CHD6: variants seen among roughly 807,000 people sequenced by gnomAD.
CHD6 encodes the protein ATP-dependent chromatin remodeler CHD6.
CHD6 carries 50 observed loss-of-function variants against 276.9 expected under a neutral mutation model. The ratio of observed to expected loss-of-function variants is 0.18; its 90% CI spans 0.14 to 0.23. CHD6 has a LOEUF of 0.23. Ranked by LOEUF, CHD6 falls within the 10% of genes least tolerant of loss-of-function variation. The pLI is 1.00. For synonymous variants in CHD6, 1,173 were observed against 1,229.3 expected, an observed-to-expected ratio of 0.95 and a Z score of 0.96; for missense variants, 2,564 against 3,365.8, an observed-to-expected ratio of 0.76 and a Z score of 5.89.
chr20:41,485,191 T>C (rs2043384527), intron 14 of CHD6, among the ~76,000 whole-genome samples: 1 of 152,192 alleles, frequency 6.6e-6, no homozygotes, highest in Non-Finnish European at 1.5e-5. Flanking sequence ...CTGATGGTGT[T>C]CTTTGCTACA....
At chr20:41,496,426 G>C (rs770326024) in intron 8 of CHD6, among the ~76,000 whole-genome samples, 5 of 152,152 alleles carry the variant, frequency 3.3e-5, no homozygotes, top group Non-Finnish European at 5.9e-5. Flanking sequence ...TTCATCAGGA[G>C]TCTATCTCTG....
Position 41,417,882 on chromosome 20 carries a change from G to T in CHD6, c.6128-533C>A, listed in dbSNP as rs568612950. On this transcript the variant is annotated intron_variant, in intron 31 of 36. Coordinates refer to ENST00000373233, the MANE Select transcript of CHD6 (RefSeq NM_032221.5). ...ATTTCAATTACTTCACTCATGGAAA[G>T]AAATGGACATGTAACTTATTCTTTC... 7.2e-5 allele frequency among the ~76,000 whole-genome samples: 11 copies of T among 152,342 alleles called. No individual in the cohort carries two copies. In the East Asian group the frequency reaches 1.9e-3, roughly 27 times the overall value.
intron 15 of CHD6, among the ~76,000 whole-genome samples, 157 bp from the exon 16 acceptor site, chr20:41,483,676 C>T (rs909461705): frequency 8.5e-5 from 13 of 152,154 alleles, no homozygotes; most frequent in Non-Finnish European, 1.3e-4. Context: ...TCTGTGCCTT[C>T]AGCAGAGGGC....
intron 1 of CHD6, among the ~76,000 whole-genome samples, chr20:41,603,758 T>C (rs1000676516): frequency 3.3e-5 from 5 of 151,940 alleles, no homozygotes; most frequent in Non-Finnish European, 5.9e-5. Context: ...TCCCAGCTAC[T>C]TGAGAGGCTG....
At chr20:41,525,350 T>G (rs1345256067) in intron 3 of CHD6, among the ~76,000 whole-genome samples, 1 of 152,228 alleles carries the variant, frequency 6.6e-6, no homozygotes, top group East Asian at 1.9e-4. Flanking sequence ...ACAGCCATTC[T>G]GCAGACAGTC....
chr20:41,546,697 A>AC (rs2045049758), intron 2 of CHD6, among the ~76,000 whole-genome samples: 1 of 152,198 alleles, frequency 6.6e-6, no homozygotes, highest in Admixed American at 6.5e-5. Context: ...TAGAGTTCAC[A>AC]TTTTATTTTT....
chr20:41,568,553 A>T lies in CHD6; in HGVS notation c.-23-17193T>A, dbSNP rs185339910. On this transcript the variant is annotated intron_variant, in intron 1 of 36. Coordinates refer to ENST00000373233, the MANE Select transcript of CHD6 (RefSeq NM_032221.5). ...AAGAGTTGGCCCAAGTGGCAAGTCA[A>T]TCTATAATTGGAAAACAGCTCCTCA... is the stretch of plus-strand genomic sequence containing the variant. Among the ~76,000 whole-genome samples the T allele has an allele frequency of 8.4e-3, 1,275 of 152,366 alleles. 7 individuals are homozygous for T. The highest frequency in any genetic ancestry group is 0.014 in the Middle Eastern group (4 of 294).
At chr20:41,527,536 T>C (rs2044572292) in intron 3 of CHD6, among the ~76,000 whole-genome samples, 2 of 152,102 alleles carry the variant, frequency 1.3e-5, no homozygotes, top group African/African-American at 2.4e-5. Flanking sequence ...TCCCTGGATA[T>C]AGAGTAAAAG....
chr20:41,465,589 T>A (rs1156449117), intron 17 of CHD6, among the ~76,000 whole-genome samples: 2 of 152,132 alleles, frequency 1.3e-5, no homozygotes, highest in African/African-American at 4.8e-5. Context: ...AAAAAATATT[T>A]CTAGGAAACT....
chr20:41,542,622 G>A (rs2044965910), intron 2 of CHD6, among the ~76,000 whole-genome samples: 1 of 152,020 alleles, frequency 6.6e-6, no homozygotes, highest in Non-Finnish European at 1.5e-5. Context: ...GAATCTGGGA[G>A]GTGGAGCTTG....
At chr20:41,613,927 A>G (rs1036963116) in intron 1 of CHD6, among the ~76,000 whole-genome samples, 1 of 152,146 alleles carries the variant, frequency 6.6e-6, no homozygotes, top group Non-Finnish European at 1.5e-5. Flanking sequence ...ACCTTTAGGT[A>G]GGAAGTAAAG....
chr20:41,415,679 C>G, intron 33 of CHD6, 41 bp from the exon 34 acceptor site: 6 of 1,440,952 alleles, frequency 4.2e-6, no homozygotes, highest in Non-Finnish European at 4.7e-6. Flanking sequence ...GAATGTCACA[C>G]AAGTGGCTGA....
Position 41,493,667 on chromosome 20 carries a change from T to C in CHD6, c.1185A>G (p.Val395=), listed in dbSNP as rs2043610268. ...HTKDAETGEE[V]THYLVKWCSL... ...AGCACCACTTCACCAGGTAATGTGTTACCTCCTGGTGGGAAAACAGGAAAG... is the reference window on the plus strand; with the variant it reads ...AGCACCACTTCACCAGGTAATGTGTCACCTCCTGGTGGGAAAACAGGAAAG... The change falls in exon 10 of 37, where the codon GTA becomes GTG. Residue 395 remains valine, a synonymous_variant. Transcript: ENST00000373233. The C allele has an allele frequency of 1.9e-6, 3 of 1,613,680 alleles. No homozygotes were observed. Among genetic ancestry groups the C allele is most frequent in the African/African-American group, 2.7e-5 (2 of 75,040 alleles).
chr20:41,522,619 T>C (rs1601077896), intron 3 of CHD6, among the ~76,000 whole-genome samples: 2 of 152,052 alleles, frequency 1.3e-5, no homozygotes, highest in African/African-American at 2.4e-5. Context: ...ACGTAACTTG[T>C]TTGCAACTGG....
chr20:41,423,767 T>G, intron 29 of CHD6, 67 bp from the exon 30 acceptor site: 2 of 1,283,956 alleles, frequency 1.6e-6, no homozygotes, highest in East Asian at 2.3e-5. Context: ...AACTGCTTAT[T>G]GAGAGCCTAC....
At position 41,447,949 on chromosome 20, in the gene CHD6, G is replaced by A; in HGVS notation, c.3706C>T (p.Leu1236=). 2 of 1,610,574 alleles carry A rather than the reference G, an allele frequency of 1.2e-6. No homozygotes were observed. The highest frequency in any genetic ancestry group is 1.7e-6 in the Non-Finnish European group (2 of 1,178,034). ...CNKVLLRVRM[L]YYLKAEILGE... ...AGTATTTCAGCTTTTAGGTAGTACA[G>A]CATCCGGACTCGCAAAAGTACTCTA... Residue 1236 remains leucine (L), a synonymous_variant, in exon 24 of 37, where the codon CTG becomes TTG. Transcript: ENST00000373233.
intron 2 of CHD6, among the ~76,000 whole-genome samples, chr20:41,546,097 C>T (rs577387537): frequency 1.3e-5 from 2 of 151,990 alleles, no homozygotes; most frequent in Non-Finnish European, 2.9e-5. Context: ...TGAACCTGAC[C>T]CCAAGTAGAA....
At position 41,578,166 on chromosome 20, in the gene CHD6, G is replaced by A. The variant is rs894107074; in HGVS notation, c.-23-26806C>T. Among the ~76,000 whole-genome samples the A allele has an allele frequency of 8.0e-5, 12 of 150,852 alleles. No individual in the cohort carries two copies. The East Asian group carries it at 2.0e-3, about 25-fold the overall frequency. Reference sequence around the variant, plus strand: ...TTTATTGAAGGAGCAAGCCCCCCACGCCCCCAATGTAGCCAGAAACCACAA... The same window carrying A: ...TTTATTGAAGGAGCAAGCCCCCCACACCCCCAATGTAGCCAGAAACCACAA... On this transcript the variant is annotated intron_variant, in intron 1 of 36. Coordinates refer to ENST00000373233, the MANE Select transcript of CHD6 (RefSeq NM_032221.5).
intron 4 of CHD6, among the ~76,000 whole-genome samples, chr20:41,514,220 C>T (rs1025466849): frequency 6.6e-6 from 1 of 152,200 alleles, no homozygotes; most frequent in African/African-American, 2.4e-5. Context: ...AGATAAATTG[C>T]TAAGAATATC....
Sources: gnomAD v4.1 joint callset for allele counts (sites outside exome capture counted in the v4.1 genomes callset) on GRCh38, gnomAD v4.1.1 for gene constraint, MANE v1.5 for transcripts, NCBI Gene and HGNC (gene_info 2026-07-23, HGNC 2026-07-21) for gene names.